The following ATXN7L3B variants were observed in gnomAD, a reference collection of about 807,000 sequenced individuals.
ATXN7L3B encodes the protein ataxin-7-like protein 3B.
In ATXN7L3B, 4 loss-of-function variants were observed where a neutral mutation model predicts 6.3. That is an observed-to-expected ratio of 0.63 (90% CI 0.31 to 1.45). The LOEUF (loss-of-function observed/expected upper bound fraction) is 1.45, where lower values mean the gene tolerates loss of function less well. ATXN7L3B is among the 40% of genes most tolerant of loss of function. ATXN7L3B has a pLI of 0.07. For missense variants in ATXN7L3B, 120 were observed against 118.5 expected (o/e 1.01, Z -0.06); for synonymous variants, 63 against 48.0 (o/e 1.31, Z -1.29).
At position 74,539,552 on chromosome 12, in the gene ATXN7L3B, TTTGG is replaced by T. The variant is rs1868827013; in HGVS notation, c.*1151_*1154del. 6.7e-6 allele frequency: 1 copy of T among 150,128 alleles called. No homozygotes were observed. Among genetic ancestry groups the T allele is most frequent in the South Asian group, 2.1e-4 (1 of 4,690 alleles). The allele number at this position is 150,128 out of a possible 1,614,324, so 9.3% of individuals were successfully genotyped here. ...AATCCTGTTGAATGTCCCTGTTTTCTTTGGTTGGGCAGTCAGAGCTCTGCTATGG... is the reference window on the plus strand; with the variant it reads ...AATCCTGTTGAATGTCCCTGTTTTCTTTGGGCAGTCAGAGCTCTGCTATGG... On this transcript the variant is annotated 3_prime_UTR_variant, in exon 1 of 1. Transcript: ENST00000519948.
At position 74,541,165 on chromosome 12, in the gene ATXN7L3B, AG is replaced by A. The variant is rs34295267; in HGVS notation, c.*2767del. ...GTGTGTATGTGTGTGTTATGGGGGAAGGGGGGGGTTCTTTAAAATTTCTGTG... is the reference window on the plus strand; with the variant it reads ...GTGTGTATGTGTGTGTTATGGGGGAAGGGGGGGTTCTTTAAAATTTCTGTG... On this transcript the variant is annotated 3_prime_UTR_variant, in exon 1 of 1. Coordinates refer to ENST00000519948, the MANE Select transcript of ATXN7L3B (RefSeq NM_001136262.2). 41,001 of 166,004 alleles carry A rather than the reference AG, an allele frequency of 0.25. 6,021 individuals are homozygous for A. Among genetic ancestry groups the A allele is most frequent in the African/African-American group, 0.42 (17,134 of 41,058 alleles). The allele number at this position is 166,004 out of a possible 1,614,324, so 10.3% of individuals were successfully genotyped here.
Position 74,537,859 on chromosome 12 carries a change from C to T in ATXN7L3B, c.-254C>T, listed in dbSNP as rs146565249. 33 of 477,924 alleles carry T rather than the reference C, an allele frequency of 6.9e-5. No homozygotes were observed. The highest frequency in any genetic ancestry group is 1.0e-4 in the Non-Finnish European group (27 of 266,018). The allele number at this position is 477,924 out of a possible 1,614,324, so 29.6% of individuals were successfully genotyped here. Reference sequence around the variant, plus strand: ...CAGGAGGCTGGGTGAGGCGCTGAGACGGTTTGGCGGTGAGTCCTGGGCCAG... The same window carrying T: ...CAGGAGGCTGGGTGAGGCGCTGAGATGGTTTGGCGGTGAGTCCTGGGCCAG... On this transcript the variant is annotated 5_prime_UTR_variant, in exon 1 of 1. It adds an upstream start codon to the 5' untranslated region. Transcript: ENST00000519948.
At position 74,540,452 on chromosome 12, in the gene ATXN7L3B, A is replaced by T. The variant is rs1592596164; in HGVS notation, c.*2046A>T. On this transcript the variant is annotated 3_prime_UTR_variant, in exon 1 of 1. Coordinates refer to ENST00000519948, the MANE Select transcript of ATXN7L3B (RefSeq NM_001136262.2). The stretch of plus-strand genomic sequence containing the variant: ...ATTTAGACTGTATAGACTGATTTAG[A>T]TTACATACTTTAGAGGATTAAGGAA... 6.0e-6 allele frequency: 1 copy of T among 167,120 alleles called. No individual in the cohort carries two copies. Among genetic ancestry groups the T allele is most frequent in the Admixed American group, 6.5e-5 (1 of 15,290 alleles). 10.4% of individuals were successfully genotyped at this position (167,120 alleles called of 1,614,324 possible). A position where few individuals can be genotyped will look rare whatever the true frequency, so the allele number is the denominator to read the frequency against.
rs1323048317 is a variant in ATXN7L3B at position 74,538,914 on chromosome 12, A to G, written c.*508A>G. On this transcript the variant is annotated 3_prime_UTR_variant, in exon 1 of 1. Transcript: ENST00000519948. ...TAAATGTCAGGTGCAAGATCTGGATACTAACAGTTTCAGTTTGGGAAATCC... is the reference window on the plus strand; with the variant it reads ...TAAATGTCAGGTGCAAGATCTGGATGCTAACAGTTTCAGTTTGGGAAATCC... The G allele has an allele frequency of 5.9e-6, 1 of 169,750 alleles. No homozygotes were observed. Among genetic ancestry groups the G allele is most frequent in the Non-Finnish European group, 1.4e-5 (1 of 69,756 alleles). The allele number at this position is 169,750 out of a possible 1,614,324, so 10.5% of individuals were successfully genotyped here.
Position 74,538,571 on chromosome 12 carries a change from T to C in ATXN7L3B, c.*165T>C. 1.4e-6 allele frequency: 1 copy of C among 707,970 alleles called. No individual in the cohort carries two copies. Among genetic ancestry groups the C allele is most frequent in the South Asian group, 2.0e-5 (1 of 51,008 alleles). 43.9% of individuals were successfully genotyped at this position (707,970 alleles called of 1,614,324 possible). A position where few individuals can be genotyped will look rare whatever the true frequency, so the allele number is the denominator to read the frequency against. The stretch of plus-strand genomic sequence containing the variant: ...CCCAAAGTGGATAATTTAGGAATCC[T>C]TTTTTTAAAGTGTATTACCTGGAGC... On this transcript the variant is annotated 3_prime_UTR_variant, in exon 1 of 1. Coordinates refer to ENST00000519948, the MANE Select transcript of ATXN7L3B (RefSeq NM_001136262.2).
rs1868875525 is a variant in ATXN7L3B, at chr12:74,540,873, C to G, written c.*2467C>G. ...TGAGTAGTATTTTGTTCATATTACC[C>G]CCCTTTTGTTTTTTGTTTCTGGCCC... is the stretch of plus-strand genomic sequence containing the variant. On this transcript the variant is annotated 3_prime_UTR_variant, in exon 1 of 1. Transcript: ENST00000519948. 6.1e-6 allele frequency: 1 copy of G among 164,320 alleles called. No homozygotes were observed. Among genetic ancestry groups the G allele is most frequent in the African/African-American group, 2.4e-5 (1 of 41,244 alleles). 10.2% of individuals were successfully genotyped at this position (164,320 alleles called of 1,614,324 possible).
chr12:74,537,868 G>C lies in ATXN7L3B; in HGVS notation c.-245G>C. On this transcript the variant is annotated 5_prime_UTR_variant, in exon 1 of 1. Transcript: ENST00000519948. ...GGGTGAGGCGCTGAGACGGTTTGGC[G>C]GTGAGTCCTGGGCCAGGCGCAGCTG... The C allele has an allele frequency of 2.0e-6, 1 of 506,290 alleles. No homozygotes were observed. The highest frequency in any genetic ancestry group is 3.5e-6 in the Non-Finnish European group (1 of 283,104). 31.4% of individuals were successfully genotyped at this position (506,290 alleles called of 1,614,324 possible).
Position 74,542,871 on chromosome 12 carries a change from A to C in ATXN7L3B, c.*4465A>C, listed in dbSNP as rs1868932603. ...TGTGCTAAAAGCACAACAATTATTA[A>C]ATTTATTTTCATGTTGTTGTTTAAT... On this transcript the variant is annotated 3_prime_UTR_variant, in exon 1 of 1. Transcript: ENST00000519948. The C allele has an allele frequency of 1.3e-5, 2 of 152,222 alleles. No individual in the cohort carries two copies. The highest frequency in any genetic ancestry group is 4.1e-4 in the South Asian group (2 of 4,828). 9.4% of individuals were successfully genotyped at this position (152,222 alleles called of 1,614,324 possible).
Position 74,538,061 on chromosome 12 carries a change from TTGC to T in ATXN7L3B, c.-48_-46del. The T allele has an allele frequency of 6.6e-7, 1 of 1,523,124 alleles. No homozygotes were observed. The highest frequency in any genetic ancestry group is 8.9e-7 in the Non-Finnish European group (1 of 1,128,486). The allele number at this position is 1,523,124 out of a possible 1,614,324, so 94.4% of individuals were successfully genotyped here. A position where few individuals can be genotyped will look rare whatever the true frequency, so the allele number is the denominator to read the frequency against. On this transcript the variant is annotated 5_prime_UTR_variant, in exon 1 of 1. Coordinates refer to ENST00000519948, the MANE Select transcript of ATXN7L3B (RefSeq NM_001136262.2). ...GGCGCGGCCCGCGGAGCCAGACGTG[TTGC>T]TGCCGTGAGTAAAACGAGCGCCCTC...
Position 74,538,156 on chromosome 12 carries a change from A to G in ATXN7L3B, c.44A>G (p.Glu15Gly). 1 of 1,581,170 alleles carries G rather than the reference A, an allele frequency of 6.3e-7. No homozygotes were observed. The highest frequency in any genetic ancestry group is 8.6e-7 in the Non-Finnish European group (1 of 1,163,544). ...SLANLDTNKL[E>G]AIAQEIYVDL... ...GCCAACCTGGATACTAACAAGCTAG[A>G]GGCCATCGCTCAGGAGATTTACGTA... The change falls in exon 1 of 1, where the codon GAG (glutamate) becomes GGG (glycine). Residue 15 changes from glutamate to glycine, a missense_variant. Coordinates refer to ENST00000519948, the MANE Select transcript of ATXN7L3B (RefSeq NM_001136262.2).
chr12:74,538,035 A>G lies in ATXN7L3B; in HGVS notation c.-78A>G. ...TGGGCACTGAAAGGCCTCTAGGCCT[A>G]GGCGCGGCCCGCGGAGCCAGACGTG... On this transcript the variant is annotated 5_prime_UTR_variant, in exon 1 of 1. Coordinates refer to ENST00000519948, the MANE Select transcript of ATXN7L3B (RefSeq NM_001136262.2). 6.9e-7 allele frequency: 1 copy of G among 1,445,124 alleles called. No homozygotes were observed. The highest frequency in any genetic ancestry group is 2.5e-5 in the East Asian group (1 of 40,356). The allele number at this position is 1,445,124 out of a possible 1,614,324, so 89.5% of individuals were successfully genotyped here.
chr12:74,538,154 A>C lies in ATXN7L3B; in HGVS notation c.42A>C (p.Leu14=), dbSNP rs1218044469. 6.3e-7 allele frequency: 1 copy of C among 1,579,410 alleles called. No homozygotes were observed. Among genetic ancestry groups the C allele is most frequent in the Non-Finnish European group, 8.6e-7 (1 of 1,162,608 alleles). The stretch of plus-strand genomic sequence containing the variant: ...TGGCCAACCTGGATACTAACAAGCT[A>C]GAGGCCATCGCTCAGGAGATTTACG... ...ISLANLDTNK[L]EAIAQEIYVD... Residue 14 remains leucine (L), a synonymous_variant, in exon 1 of 1, where the codon CTA becomes CTC. Transcript: ENST00000519948.
Position 74,540,102 on chromosome 12 carries a change from T to C in ATXN7L3B, c.*1696T>C, listed in dbSNP as rs1203176788. 2 of 166,310 alleles carry C rather than the reference T, an allele frequency of 1.2e-5. No homozygotes were observed. The highest frequency in any genetic ancestry group is 3.9e-4 in the East Asian group (2 of 5,194). 10.3% of individuals were successfully genotyped at this position (166,310 alleles called of 1,614,324 possible). On this transcript the variant is annotated 3_prime_UTR_variant, in exon 1 of 1. Transcript: ENST00000519948. ...TTTTTTTTTCTTTCTTTTTCCCTTG[T>C]TTTTGTAGAAGACTCAGAGGAGAAT...
rs1303844330 is a variant in ATXN7L3B, at chr12:74,540,677, C to CT, written c.*2272dup. The CT allele has an allele frequency of 6.0e-6, 1 of 167,026 alleles. No individual in the cohort carries two copies. Among genetic ancestry groups the CT allele is most frequent in the Non-Finnish European group, 1.5e-5 (1 of 68,116 alleles). The allele number at this position is 167,026 out of a possible 1,614,324, so 10.3% of individuals were successfully genotyped here. On this transcript the variant is annotated 3_prime_UTR_variant, in exon 1 of 1. Transcript: ENST00000519948. ...TCTAAGAGGATGAAGAAAGGAGAGT[C>CT]TAAGTGAGACTCTGGCCTACTTCCT... is the stretch of plus-strand genomic sequence containing the variant.
rs574725074 is a variant in ATXN7L3B at position 74,542,814 on chromosome 12, C to G, written c.*4408C>G. On this transcript the variant is annotated 3_prime_UTR_variant, in exon 1 of 1. Transcript: ENST00000519948. ...CTGAAGTGTTGTGAAGTTTTTCTTACAATTTTTTAAAAGAGATTTATGAAG... is the reference window on the plus strand; with the variant it reads ...CTGAAGTGTTGTGAAGTTTTTCTTAGAATTTTTTAAAAGAGATTTATGAAG... 4 of 152,116 alleles carry G rather than the reference C, an allele frequency of 2.6e-5. No individual in the cohort carries two copies. The highest frequency in any genetic ancestry group is 9.6e-5 in the African/African-American group (4 of 41,452). The allele number at this position is 152,116 out of a possible 1,614,324, so 9.4% of individuals were successfully genotyped here. A position where few individuals can be genotyped will look rare whatever the true frequency, so the allele number is the denominator to read the frequency against.
At position 74,539,005 on chromosome 12, in the gene ATXN7L3B, T is replaced by G. The variant is rs1027840143; in HGVS notation, c.*599T>G. 1.8e-5 allele frequency: 3 copies of G among 168,036 alleles called. No individual in the cohort carries two copies. Among genetic ancestry groups the G allele is most frequent in the African/African-American group, 4.8e-5 (2 of 41,440 alleles). 10.4% of individuals were successfully genotyped at this position (168,036 alleles called of 1,614,324 possible). ...CCTTGACTCCAGCAAGAAGAAAAGG[T>G]CAAAACCACGTGTTTCCCAAAAGTC... On this transcript the variant is annotated 3_prime_UTR_variant, in exon 1 of 1. Coordinates refer to ENST00000519948, the MANE Select transcript of ATXN7L3B (RefSeq NM_001136262.2).
In ATXN7L3B at chr12:74,542,907, G is replaced by A. The variant is rs576643667; in HGVS notation, c.*4501G>A. ...ATGTTGTTGTTTAATTATGGTTAAC[G>A]AATTGCCAGTTTTCAAGTCAGCCAG... On this transcript the variant is annotated 3_prime_UTR_variant, in exon 1 of 1. Transcript: ENST00000519948. 3 of 152,174 alleles carry A rather than the reference G, an allele frequency of 2.0e-5. No homozygotes were observed. Among genetic ancestry groups the A allele is most frequent in the African/African-American group, 7.2e-5 (3 of 41,544 alleles). The allele number at this position is 152,174 out of a possible 1,614,324, so 9.4% of individuals were successfully genotyped here. A position where few individuals can be genotyped will look rare whatever the true frequency, so the allele number is the denominator to read the frequency against.
Position 74,539,455 on chromosome 12 carries a change from C to T in ATXN7L3B, c.*1049C>T, listed in dbSNP as rs1197359516. The T allele has an allele frequency of 6.0e-6, 1 of 167,246 alleles. No homozygotes were observed. Among genetic ancestry groups the T allele is most frequent in the Admixed American group, 6.5e-5 (1 of 15,282 alleles). The allele number at this position is 167,246 out of a possible 1,614,324, so 10.4% of individuals were successfully genotyped here. A position where few individuals can be genotyped will look rare whatever the true frequency, so the allele number is the denominator to read the frequency against. On this transcript the variant is annotated 3_prime_UTR_variant, in exon 1 of 1. Transcript: ENST00000519948. The stretch of plus-strand genomic sequence containing the variant: ...AGCCCAGAGGGCACTTTCAGCTGCC[C>T]TCAATAATGTGAATGGATTAGTGCT...
chr12:74,543,576 C>T lies in ATXN7L3B; in HGVS notation c.*5170C>T, dbSNP rs1034211633. 6.6e-6 allele frequency: 1 copy of T among 151,730 alleles called. No homozygotes were observed. The highest frequency in any genetic ancestry group is 1.5e-5 in the Non-Finnish European group (1 of 67,846). 9.4% of individuals were successfully genotyped at this position (151,730 alleles called of 1,614,324 possible). On this transcript the variant is annotated 3_prime_UTR_variant, in exon 1 of 1. Transcript: ENST00000519948. ...GTAAATGAAACAACAACAACAAAAACAGGCAAAATAATACCAAAATAGATT... is the reference window on the plus strand; with the variant it reads ...GTAAATGAAACAACAACAACAAAAATAGGCAAAATAATACCAAAATAGATT...
Sources: allele counts gnomAD v4.1 joint callset, GRCh38; gene constraint gnomAD v4.1.1; transcripts MANE v1.5; gene names NCBI Gene and HGNC (gene_info 2026-07-23, HGNC 2026-07-21).